The following ZNF519 variants were observed in gnomAD, a reference collection of about 807,000 sequenced individuals.
The protein encoded by ZNF519 is zinc finger protein 519.
In ZNF519, 7 loss-of-function variants were observed where a neutral mutation model predicts 7.4. The observed-to-expected ratio is 0.94, with a 90% CI of 0.54 to 1.77. The LOEUF (loss-of-function observed/expected upper bound fraction) is 1.77, where lower values mean the gene tolerates loss of function less well. Among genes scored for constraint, ZNF519 ranks in the 40% most tolerant of loss-of-function variants. The pLI is 0.00. For missense variants in ZNF519, 586 were observed against 623.1 expected (o/e 0.94, Z 0.63); for synonymous variants, 179 against 203.3 (o/e 0.88, Z 1.02).
rs2046335457 is a variant in ZNF519, at chr18:14,132,368, G to A, written c.-91C>T. 5.9e-6 allele frequency: 9 copies of A among 1,513,934 alleles called. No homozygotes were observed. Among genetic ancestry groups the A allele is most frequent in the Middle Eastern group, 1.7e-4 (1 of 5,768 alleles). The allele number at this position is 1,513,934 out of a possible 1,614,324, so 93.8% of individuals were successfully genotyped here. A position where few individuals can be genotyped will look rare whatever the true frequency, so the allele number is the denominator to read the frequency against. ...CGACGGAGTGAGTGGCAGAATCACC[G>A]AAGTCTCCCGGAGCAGAGGACACAA... On this transcript the variant is annotated 5_prime_UTR_variant, in exon 1 of 3. Coordinates refer to ENST00000590202, the MANE Select transcript of ZNF519 (RefSeq NM_145287.4).
chr18:14,109,832 C>A (rs1442998994), intron 2 of ZNF519, among the ~76,000 whole-genome samples: 1 of 151,950 alleles, frequency 6.6e-6, no homozygotes, highest in East Asian at 1.9e-4. Context: ...AAAAAACAAT[C>A]CTAAAATTAA....
downstream of ZNF519, chr18:14,071,916 T>C (rs1470889387): frequency 6.6e-6 from 1 of 152,318 alleles, no homozygotes; most frequent in Middle Eastern, 3.4e-3. Context: ...GAAGGCTATA[T>C]CTGAGGCTGC....
At chr18:14,080,223 C>T (rs971706915) in intron 3 of ZNF519, 2 of 150,916 alleles carry the variant, frequency 1.3e-5, no homozygotes, top group Admixed American at 6.6e-5. Context: ...CTGACAACAC[C>T]AAATGCTGGC....
chr18:14,074,120 C>CCTCA (rs1229966479), downstream of ZNF519: 1 of 152,200 alleles, frequency 6.6e-6, no homozygotes, highest in Non-Finnish European at 1.5e-5. Flanking sequence ...GCAGCAGAGT[C>CCTCA]TGAGGATAGA....
At chr18:14,098,052 C>T (rs1465427875), downstream of ZNF519, among the ~76,000 whole-genome samples, 5 of 152,158 alleles carry the variant, frequency 3.3e-5, no homozygotes, top group South Asian at 1.0e-3. Flanking sequence ...AATGATAGAC[C>T]CTCATACACA....
In ZNF519 at chr18:14,102,064, C is replaced by A. The variant is rs1013258853; in HGVS notation, c.*2853G>T. 3.0e-4 allele frequency: 71 copies of A among 238,422 alleles called. No homozygotes were observed. Among genetic ancestry groups the A allele is most frequent in the Middle Eastern group, 1.3e-3 (1 of 788 alleles). The allele number at this position is 238,422 out of a possible 1,614,324, so 14.8% of individuals were successfully genotyped here. A position where few individuals can be genotyped will look rare whatever the true frequency, so the allele number is the denominator to read the frequency against. ...ACCACAAATGAACAATCTTTGTCAACACCATTTTGTTAATTTGTGTTTTCA... is the reference window on the plus strand; with the variant it reads ...ACCACAAATGAACAATCTTTGTCAAAACCATTTTGTTAATTTGTGTTTTCA... On this transcript the variant is annotated 3_prime_UTR_variant, in exon 3 of 3. Coordinates refer to ENST00000590202, the MANE Select transcript of ZNF519 (RefSeq NM_145287.4).
At chr18:14,118,016 T>C (rs1436182823) in intron 2 of ZNF519, among the ~76,000 whole-genome samples, 1 of 152,172 alleles carries the variant, frequency 6.6e-6, no homozygotes, top group Non-Finnish European at 1.5e-5. Context: ...CAAATGTTCT[T>C]CAATGAATAG....
intron 2 of ZNF519, among the ~76,000 whole-genome samples, chr18:14,086,469 C>T (rs9957175): frequency 0.045 from 6,814 of 152,288 alleles, 265 homozygotes; most frequent in Admixed American, 0.096. Context: ...ACAGGACTCC[C>T]TGTCTCATCC....
chr18:14,098,370 G>A (rs932485275), downstream of ZNF519, among the ~76,000 whole-genome samples: 3 of 151,632 alleles, frequency 2.0e-5, no homozygotes, highest in Admixed American at 6.6e-5. Context: ...ATGTAGGCCA[G>A]TCTGGTCTCG....
At chr18:14,076,329 A>C (rs2046047575) in exon 5 of ZNF519, 1 of 152,192 alleles carries the variant, frequency 6.6e-6, no homozygotes, top group African/African-American at 2.4e-5. Flanking sequence ...CAGAGATCCA[A>C]ATACAATGAA....
At chr18:14,097,840 TG>T (rs1424746340), downstream of ZNF519, among the ~76,000 whole-genome samples, 5 of 152,196 alleles carry the variant, frequency 3.3e-5, no homozygotes, top group Non-Finnish European at 5.9e-5. Flanking sequence ...TGTGTGTATA[TG>T]TATGTTTATA....
In ZNF519 at chr18:14,106,568, A is replaced by G. The variant is rs550259569; in HGVS notation, c.131-159T>C. The G allele has an allele frequency of 1.8e-5, 9 of 501,276 alleles. No individual in the cohort carries two copies. The South Asian group carries it at 2.2e-4, about 12-fold the overall frequency. 31.1% of individuals were successfully genotyped at this position (501,276 alleles called of 1,614,324 possible). On this transcript the variant is annotated intron_variant, in intron 2 of 2. Transcript: ENST00000590202. ...GCAAGATGGCTAAATAGAAGGCTCCAGTGATCATTTCCCCTGCAAGGTCAC... is the reference window on the plus strand; with the variant it reads ...GCAAGATGGCTAAATAGAAGGCTCCGGTGATCATTTCCCCTGCAAGGTCAC...
intron 2 of ZNF519, among the ~76,000 whole-genome samples, chr18:14,108,145 C>T (rs908921974): frequency 6.6e-6 from 1 of 152,146 alleles, no homozygotes; most frequent in Admixed American, 6.5e-5. Context: ...AACTGCTGTG[C>T]TGGTTTCAGG....
intron 2 of ZNF519, 114 bp downstream of exon 2, chr18:14,124,236 G>A: frequency 4.1e-6 from 4 of 987,268 alleles, no homozygotes; most frequent in Non-Finnish European, 2.8e-6. Flanking sequence ...TTTTCTTGAA[G>A]AAAAGAACTG....
At chr18:14,127,296 CCT>C (rs2046303887) in intron 1 of ZNF519, among the ~76,000 whole-genome samples, 2 of 152,186 alleles carry the variant, frequency 1.3e-5, no homozygotes, top group Admixed American at 6.5e-5. Context: ...TCTATGTTGA[CCT>C]CTCATGATGC....
downstream of ZNF519, among the ~76,000 whole-genome samples, chr18:14,099,159 C>A (rs931363732): frequency 4.7e-4 from 72 of 152,028 alleles, no homozygotes; most frequent in African/African-American, 1.6e-3. Context: ...TCCCACCAAC[C>A]TAGCCTCCCT....
At chr18:14,126,476 CA>C (rs1369602196) in intron 1 of ZNF519, among the ~76,000 whole-genome samples, 1 of 152,162 alleles carries the variant, frequency 6.6e-6, no homozygotes, top group Non-Finnish European at 1.5e-5. Flanking sequence ...CATCAAAACT[CA>C]AAACAAGGGA....
chr18:14,097,882 T>TA (rs2046143458), downstream of ZNF519, among the ~76,000 whole-genome samples: 1 of 152,042 alleles, frequency 6.6e-6, no homozygotes, highest in African/African-American at 2.4e-5. Context: ...ATGTGTGAAG[T>TA]AAAAAAACAC....
chr18:14,112,337 A>G (rs915047844), intron 2 of ZNF519, among the ~76,000 whole-genome samples: 2 of 152,174 alleles, frequency 1.3e-5, no homozygotes, highest in African/African-American at 4.8e-5. Context: ...AAAGCTATAT[A>G]TGACACTCAC....
Sources: gnomAD v4.1 joint callset for allele counts (sites outside exome capture counted in the v4.1 genomes callset) on GRCh38, gnomAD v4.1.1 for gene constraint, MANE v1.5 for transcripts, NCBI Gene and HGNC (gene_info 2026-07-23, HGNC 2026-07-21) for gene names.